The following TDRD12 variants were observed in gnomAD, a reference collection of about 807,000 sequenced individuals.
The protein encoded by TDRD12 is putative ATP-dependent RNA helicase TDRD12.
Under a neutral mutation model 133.5 loss-of-function variants are expected in TDRD12, and 158 were observed. The observed-to-expected ratio is 1.18, with a 90% CI of 1.04 to 1.35. The LOEUF is 1.35. Among genes scored for constraint, TDRD12 ranks in the 40% most tolerant of loss-of-function variants. The pLI is 0.00. For missense variants in TDRD12, 1,443 were observed against 1,321.3 expected (o/e 1.09, Z -1.43); for synonymous variants, 460 against 477.9 (o/e 0.96, Z 0.49).
chr19:32,724,966 G>A (rs1442304376), intron 1 of TDRD12, among the ~76,000 whole-genome samples: 1 of 152,202 alleles, frequency 6.6e-6, no homozygotes, highest in Admixed American at 6.5e-5. Flanking sequence ...CTAATGATCA[G>A]TGATGTTGAG....
At chr19:32,749,080 G>C (rs1229791962) in intron 5 of TDRD12, among the ~76,000 whole-genome samples, 1 of 152,126 alleles carries the variant, frequency 6.6e-6, no homozygotes, top group Non-Finnish European at 1.5e-5. Flanking sequence ...GAAACACCTG[G>C]GGTGCTGCCT....
At chr19:32,790,475 T>C in intron 11 of TDRD12, 56 bp from the exon 12 acceptor site, 1 of 1,498,174 alleles carries the variant, frequency 6.7e-7, no homozygotes, top group Non-Finnish European at 9.1e-7. Flanking sequence ...AAAGAATAGC[T>C]CAACTGAGGA....
chr19:32,825,909 C>T (rs1328118646), downstream of TDRD12, among the ~76,000 whole-genome samples: 3 of 152,066 alleles, frequency 2.0e-5, no homozygotes, highest in Non-Finnish European at 4.4e-5. The surrounding 1 kb of genome is among the most constrained non-coding windows in gnomAD (Gnocchi z 4.1). Context: ...ATTTTGTTTA[C>T]CTATGTGATG....
downstream of TDRD12, among the ~76,000 whole-genome samples, chr19:32,823,784 A>AT (rs1967489538): frequency 2.0e-5 from 3 of 152,222 alleles, no homozygotes; most frequent in Non-Finnish European, 4.4e-5. Context: ...CATTAAGAGG[A>AT]TTTTCCCAGA....
intron 23 of TDRD12, 27 bp from the exon 24 acceptor site, chr19:32,811,183 T>C (rs1966990525): frequency 1.2e-5 from 18 of 1,509,550 alleles, no homozygotes; most frequent in Non-Finnish European, 1.6e-5. Flanking sequence ...AATCTCTGCG[T>C]TGAACCGATG....
downstream of TDRD12, among the ~76,000 whole-genome samples, chr19:32,825,417 C>T (rs1035478): frequency 0.53 from 80,199 of 151,914 alleles, 21,420 homozygotes; most frequent in African/African-American, 0.61. The surrounding 1 kb of genome is among the most constrained non-coding windows in gnomAD (Gnocchi z 4.1). Flanking sequence ...ACTGGCTCCT[C>T]GTGCGTGCTG....
rs576612518 is a variant in TDRD12 at position 32,723,401 on chromosome 19, C to T, written c.24+3305C>T. Among the ~76,000 whole-genome samples, 143 of 152,082 alleles carry T rather than the reference C, an allele frequency of 9.4e-4. 1 individual carries two copies. The highest frequency in any genetic ancestry group is 1.9e-3 in the South Asian group (9 of 4,810). On this transcript the variant is annotated intron_variant, in intron 1 of 27. Coordinates refer to ENST00000444215, the Ensembl canonical transcript of TDRD12. ...AAGTAGCTGGGACTACAGGTGCCCG[C>T]CACCATGCCCGGCTAATTTTTTTAT...
chr19:32,778,491 A>G (rs750786222), intron 11 of TDRD12, among the ~76,000 whole-genome samples: 1 of 151,460 alleles, frequency 6.6e-6, no homozygotes, highest in Non-Finnish European at 1.5e-5. Context: ...TCTTTTTTTC[A>G]TTATTTATTT....
chr19:32,732,409 C>A lies in TDRD12; in HGVS notation c.183+526C>A, dbSNP rs374401560. On this transcript the variant is annotated intron_variant, in intron 2 of 27. Transcript: ENST00000444215. ...AAAAGTAGACAGAATGTCATCTACA[C>A]CCAGGCATTAGGGCCATCCCTCTGG... Among the ~76,000 whole-genome samples the A allele has an allele frequency of 4.6e-5, 7 of 152,348 alleles. No individual in the cohort carries two copies. In the South Asian group the frequency reaches 1.2e-3, roughly 27 times the overall value.
chr19:32,754,985 G>A lies in TDRD12; in HGVS notation c.583-1007G>A, dbSNP rs142798573. On this transcript the variant is annotated intron_variant, in intron 6 of 27. Transcript: ENST00000444215. ...GATCATAACTGCCGGAGGAAAAAAT[G>A]TGGGCCAGCAATCCTTTACCAGCTC... 2.8e-3 allele frequency among the ~76,000 whole-genome samples: 425 copies of A among 152,334 alleles called. 2 individuals are homozygous for A. The highest frequency in any genetic ancestry group is 9.9e-3 in the African/African-American group (412 of 41,562).
intron 1 of TDRD12, among the ~76,000 whole-genome samples, chr19:32,729,852 G>A (rs1350020841): frequency 1.5e-5 from 2 of 133,522 alleles, no homozygotes; most frequent in South Asian, 2.5e-4. Flanking sequence ...GTGCAGTGGC[G>A]CAATCTCGGC....
intron 10 of TDRD12, among the ~76,000 whole-genome samples, chr19:32,774,041 C>T (rs921906468): frequency 3.9e-5 from 6 of 152,050 alleles, no homozygotes; most frequent in African/African-American, 9.7e-5. Context: ...TTACCCAGGG[C>T]GGAAAGAGAA....
intron 2 of TDRD12, among the ~76,000 whole-genome samples, chr19:32,738,591 G>A (rs1004455853): frequency 1.3e-4 from 20 of 152,184 alleles, no homozygotes; most frequent in Admixed American, 1.0e-3. Context: ...TGAGGCGGGC[G>A]GATCATGAGG....
At chr19:32,726,055 A>G (rs1968848445) in intron 1 of TDRD12, among the ~76,000 whole-genome samples, 1 of 152,028 alleles carries the variant, frequency 6.6e-6, no homozygotes, top group Non-Finnish European at 1.5e-5. Context: ...TTTTAAGTGT[A>G]CAGTTCATGG....
intron 26 of TDRD12, among the ~76,000 whole-genome samples, chr19:32,817,225 A>G (rs1967210917): frequency 6.6e-6 from 1 of 152,296 alleles, no homozygotes; most frequent in African/African-American, 2.4e-5. Flanking sequence ...ATCGCTATCC[A>G]TCTCCAGAAC....
downstream of TDRD12, chr19:32,824,642 C>T (rs900182952): frequency 9.2e-5 from 14 of 152,282 alleles, no homozygotes; most frequent in Admixed American, 6.5e-4. Flanking sequence ...GTCGTAGCCC[C>T]GTGTCCTGTT....
chr19:32,815,136 A>G lies in TDRD12; in HGVS notation c.3142-312A>G, dbSNP rs1967131409. Among the ~76,000 whole-genome samples the G allele has an allele frequency of 1.3e-5, 2 of 152,068 alleles. 1 individual carries two copies. Among genetic ancestry groups the G allele is most frequent in the South Asian group, 4.2e-4 (2 of 4,818 alleles). ...AATGAGAAAGATGTACGAATTATGCATCTGACTAGGGGTTTATCCCAGATT... is the reference window on the plus strand; with the variant it reads ...AATGAGAAAGATGTACGAATTATGCGTCTGACTAGGGGTTTATCCCAGATT... On this transcript the variant is annotated intron_variant, in intron 25 of 27. Transcript: ENST00000444215.
chr19:32,809,065 T>TG (rs1425245096), intron 22 of TDRD12, among the ~76,000 whole-genome samples: 1 of 152,220 alleles, frequency 6.6e-6, no homozygotes, highest in Non-Finnish European at 1.5e-5. Context: ...GGAGGAGGTG[T>TG]GGGTCAGGGT....
intron 7 of TDRD12, among the ~76,000 whole-genome samples, chr19:32,756,481 A>AG (rs1294117031): frequency 6.6e-6 from 1 of 151,790 alleles, no homozygotes; most frequent in African/African-American, 2.4e-5. Context: ...TCCTCCCCCC[A>AG]GGTTCACACC....
Sources: gnomAD v4.1 joint callset for allele counts (sites outside exome capture counted in the v4.1 genomes callset) on GRCh38, gnomAD v4.1.1 for gene constraint, Gnocchi (gnomAD v3.1) non-coding constraint, MANE v1.5 for transcripts, NCBI Gene and HGNC (gene_info 2026-07-23, HGNC 2026-07-21) for gene names.